The following XRCC4 variants were observed in gnomAD, a reference collection of about 807,000 sequenced individuals.
XRCC4 encodes X-ray repair cross complementing 4.
A neutral mutation model predicts 39.1 loss-of-function variants in XRCC4; 28 were observed. The observed-to-expected ratio is 0.72, with a 90% CI of 0.53 to 0.98. XRCC4 has a LOEUF of 0.98. Ranked by LOEUF, XRCC4 falls within the 50% of genes least tolerant of loss-of-function variation. XRCC4 has a pLI of 0.00. For missense variants in XRCC4, 350 were observed against 376.4 expected, an observed-to-expected ratio of 0.93 and a Z score of 0.58; for synonymous variants, 123 against 126.4, an observed-to-expected ratio of 0.97 and a Z score of 0.18.
chr5:83,258,063 A>G (rs1376914588), intron 6 of XRCC4, among the ~76,000 whole-genome samples: 1 of 152,154 alleles, frequency 6.6e-6, no homozygotes, highest in Non-Finnish European at 1.5e-5. Context: ...GAGGAGGGAT[A>G]CCATTAGGAG....
At chr5:83,178,096 A>C (rs1750041601) in intron 3 of XRCC4, among the ~76,000 whole-genome samples, 1 of 152,130 alleles carries the variant, frequency 6.6e-6, no homozygotes, top group Admixed American at 6.6e-5. Flanking sequence ...GATAAGAAGG[A>C]AAAGCAAAAT....
chr5:83,160,064 A>G (rs1218936304), intron 3 of XRCC4, among the ~76,000 whole-genome samples: 3 of 152,170 alleles, frequency 2.0e-5, no homozygotes, highest in Admixed American at 1.3e-4. Context: ...TCATTTTTCA[A>G]TATGCCGTGA....
chr5:83,240,368 CA>C (rs1400133212), intron 6 of XRCC4, among the ~76,000 whole-genome samples: 1 of 151,964 alleles, frequency 6.6e-6, no homozygotes, highest in East Asian at 1.9e-4. Context: ...AAAGAAGACA[CA>C]AGGGGTATTG....
intron 3 of XRCC4, among the ~76,000 whole-genome samples, chr5:83,114,777 T>A (rs1351379197): frequency 6.6e-6 from 1 of 152,214 alleles, no homozygotes; most frequent in Non-Finnish European, 1.5e-5. Context: ...TCTTTCACAT[T>A]TTCGGGTACC....
intron 1 of XRCC4, among the ~76,000 whole-genome samples, chr5:83,080,706 A>T (rs900066647): frequency 2.0e-5 from 3 of 152,032 alleles, no homozygotes; most frequent in African/African-American, 7.2e-5. Flanking sequence ...TATCAGATTG[A>T]TGGAGGTGGT....
the XRCC4 span, among the ~76,000 whole-genome samples, chr5:83,367,594 T>C: frequency 6.6e-6 from 1 of 152,096 alleles, no homozygotes; most frequent in East Asian, 1.9e-4. Context: ...AAAGTGGGCA[T>C]CAAGCTTTCT....
chr5:83,263,373 C>G (rs1369924967), intron 7 of XRCC4, among the ~76,000 whole-genome samples: 3 of 151,790 alleles, frequency 2.0e-5, no homozygotes, highest in African/African-American at 7.3e-5. Flanking sequence ...AATGGGATGG[C>G]TGGGTCAAAT....
intron 1 of XRCC4, among the ~76,000 whole-genome samples, chr5:83,095,819 C>G (rs1008096044): frequency 1.3e-5 from 2 of 151,696 alleles, no homozygotes; most frequent in Non-Finnish European, 2.9e-5. Flanking sequence ...TGCTGTGGGA[C>G]AGGAGCTGGC....
intron 6 of XRCC4, among the ~76,000 whole-genome samples, chr5:83,225,213 C>T (rs1752240941): frequency 6.6e-6 from 1 of 152,082 alleles, no homozygotes; most frequent in Admixed American, 6.6e-5. Context: ...TATTATGTGC[C>T]TTGTCTGGTC....
At chr5:83,347,971 G>A (rs572619493) in intron 7 of XRCC4, among the ~76,000 whole-genome samples, 1 of 152,198 alleles carries the variant, frequency 6.6e-6, no homozygotes. Context: ...CAGCATGGCA[G>A]TCATTAAATC....
rs558642463 is a variant in XRCC4, at chr5:83,250,881, C to T, written c.746-7649C>T. 1.9e-4 allele frequency among the ~76,000 whole-genome samples: 29 copies of T among 152,282 alleles called. No individual in the cohort carries two copies. The South Asian group carries it at 5.6e-3, about 29-fold the overall frequency. On this transcript the variant is annotated intron_variant, in intron 6 of 7. Coordinates refer to ENST00000396027, the MANE Select transcript of XRCC4 (RefSeq NM_003401.5). ...ATGGAAAAGAAAAATCGAAGCTTCACAGATTAATTTGGGAAATGTAGTAAA... is the reference window on the plus strand; with the variant it reads ...ATGGAAAAGAAAAATCGAAGCTTCATAGATTAATTTGGGAAATGTAGTAAA...
At chr5:83,090,351 G>A (rs914847066) in intron 1 of XRCC4, among the ~76,000 whole-genome samples, 5 of 151,590 alleles carry the variant, frequency 3.3e-5, no homozygotes, top group Non-Finnish European at 7.4e-5. Flanking sequence ...GGTTGGGGGG[G>A]GCTCCCTGCA....
At chr5:83,247,980 G>C (rs1428123807) in intron 6 of XRCC4, among the ~76,000 whole-genome samples, 1 of 152,144 alleles carries the variant, frequency 6.6e-6, no homozygotes, top group East Asian at 1.9e-4. Flanking sequence ...AGTAGAGAAA[G>C]GTGCTAAGCT....
At chr5:83,364,419 T>G in the XRCC4 span, among the ~76,000 whole-genome samples, 2 of 152,108 alleles carry the variant, frequency 1.3e-5, no homozygotes, top group African/African-American at 4.8e-5. Flanking sequence ...TTGCAATAAC[T>G]GAACTTTATA....
intron 7 of XRCC4, among the ~76,000 whole-genome samples, chr5:83,338,369 A>G (rs1158378256): frequency 6.6e-6 from 1 of 152,226 alleles, no homozygotes; most frequent in Non-Finnish European, 1.5e-5. Context: ...GCAAAATAAG[A>G]TCAGTTAGAT....
At chr5:83,176,500 T>G (rs1256644543) in intron 3 of XRCC4, among the ~76,000 whole-genome samples, 2 of 152,214 alleles carry the variant, frequency 1.3e-5, no homozygotes, top group African/African-American at 4.8e-5. Context: ...GAAGGAAGGT[T>G]AAGTATGTGG....
chr5:83,223,216 G>C (rs1449154322), intron 6 of XRCC4, among the ~76,000 whole-genome samples: 1 of 152,120 alleles, frequency 6.6e-6, no homozygotes, highest in Non-Finnish European at 1.5e-5. Context: ...GTTTAACTCA[G>C]ATGTTACTGT....
At chr5:83,086,730 A>T (rs1375032089) in intron 1 of XRCC4, among the ~76,000 whole-genome samples, 2 of 152,154 alleles carry the variant, frequency 1.3e-5, no homozygotes, top group Non-Finnish European at 2.9e-5. Flanking sequence ...TCAGTTGTTC[A>T]GCGATCAACT....
intron 3 of XRCC4, among the ~76,000 whole-genome samples, chr5:83,121,076 C>T (rs576252342): frequency 3.3e-5 from 5 of 152,182 alleles, no homozygotes; most frequent in South Asian, 2.1e-4. Flanking sequence ...TTTTATTCAG[C>T]GTAATTGTTT....
Sources: allele counts gnomAD v4.1 joint callset (sites outside exome capture counted in the v4.1 genomes callset), GRCh38; gene constraint gnomAD v4.1.1; transcripts MANE v1.5; gene names NCBI Gene and HGNC (gene_info 2026-07-23, HGNC 2026-07-21).